Variants in NRG3 observed in about 807,000 individuals in gnomAD.
The protein encoded by NRG3 is neuregulin 3.
In NRG3, 31 loss-of-function variants were observed where a neutral mutation model predicts 66.9. The ratio of observed to expected loss-of-function variants is 0.46; its 90% CI spans 0.35 to 0.63. NRG3 has a LOEUF of 0.63. Among genes scored for constraint, NRG3 ranks in the 20% least tolerant of loss-of-function variants. The pLI is 0.00. For missense variants in NRG3, 910 were observed against 878.9 expected (o/e 1.04, Z -0.45); for synonymous variants, 393 against 359.4 (o/e 1.09, Z -1.06).
At chr10:82,308,490 C>T (rs978826326) in intron 1 of NRG3, among the ~76,000 whole-genome samples, 1 of 151,990 alleles carries the variant, frequency 6.6e-6, no homozygotes, top group African/African-American at 2.4e-5. Context: ...TTTGGAAGCC[C>T]TTACTGATAT....
intron 1 of NRG3, among the ~76,000 whole-genome samples, chr10:81,929,096 G>C: frequency 6.6e-6 from 1 of 152,042 alleles, no homozygotes; most frequent in Admixed American, 6.6e-5. Context: ...CAAAGTGTTG[G>C]GATTACAGGT....
At chr10:82,655,420 AAC>A (rs1449753618) in intron 2 of NRG3, among the ~76,000 whole-genome samples, 2 of 152,170 alleles carry the variant, frequency 1.3e-5, no homozygotes, top group African/African-American at 4.8e-5. Context: ...AGATTATGCA[AAC>A]ACACATGAAA....
intron 1 of NRG3, among the ~76,000 whole-genome samples, chr10:82,349,599 C>T (rs557417025): frequency 5.3e-5 from 8 of 152,082 alleles, no homozygotes; most frequent in South Asian, 2.1e-4. Flanking sequence ...CCACCCAGTT[C>T]GAGCTTCCCG....
At chr10:82,502,017 G>A (rs1844237868) in intron 2 of NRG3, among the ~76,000 whole-genome samples, 1 of 152,162 alleles carries the variant, frequency 6.6e-6, no homozygotes, top group South Asian at 2.1e-4. Flanking sequence ...AGATGGGGAT[G>A]AATGAAATCC....
chr10:82,914,852 T>C (rs889265097), intron 4 of NRG3, among the ~76,000 whole-genome samples: 1 of 152,078 alleles, frequency 6.6e-6, no homozygotes, highest in Non-Finnish European at 1.5e-5. Context: ...GAAGCTGTAA[T>C]TGGGTATTTC....
chr10:82,780,630 GT>G lies in NRG3; in HGVS notation c.1027+41983del, dbSNP rs1281217261. ...TTTTATTTCAACAGGCAGTTACACT[GT>G]TTAGCTTAACCATGTAAATACTGAT... On this transcript the variant is annotated intron_variant, in intron 3 of 8. Coordinates refer to ENST00000372141, the MANE Select transcript of NRG3 (RefSeq NM_001010848.4). 5.3e-5 allele frequency among the ~76,000 whole-genome samples: 8 copies of G among 152,032 alleles called. 2 individuals are homozygous for G. Among genetic ancestry groups the G allele is most frequent in the Non-Finnish European group, 7.4e-5 (5 of 67,976 alleles).
chr10:82,607,384 G>T (rs2048032744), intron 2 of NRG3, among the ~76,000 whole-genome samples: 1 of 128,246 alleles, frequency 7.8e-6, no homozygotes, highest in South Asian at 2.6e-4. Context: ...TGCCTTGATT[G>T]GAAATTAATA....
chr10:82,519,674 C>T (rs1846011678), intron 2 of NRG3, among the ~76,000 whole-genome samples: 1 of 152,156 alleles, frequency 6.6e-6, no homozygotes, highest in Non-Finnish European at 1.5e-5. Context: ...TTGCTTAACA[C>T]AATCCTCCTG....
intron 1 of NRG3, among the ~76,000 whole-genome samples, chr10:82,060,833 C>A (rs2064104320): frequency 1.3e-5 from 2 of 152,156 alleles, no homozygotes; most frequent in Admixed American, 1.3e-4. Flanking sequence ...CTCCCAGTAA[C>A]TAAGAAGCCT....
chr10:82,868,584 G>A lies in NRG3; in HGVS notation c.1054+3147G>A, dbSNP rs146871558. 3.7e-3 allele frequency among the ~76,000 whole-genome samples: 557 copies of A among 152,276 alleles called. 2 individuals are homozygous for A. The highest frequency in any genetic ancestry group is 0.013 in the African/African-American group (525 of 41,568). On this transcript the variant is annotated intron_variant, in intron 4 of 8. Coordinates refer to ENST00000372141, the MANE Select transcript of NRG3 (RefSeq NM_001010848.4). ...AGTAGTGAATAGCTTTATAAATTTAGTGAATATGCTGTTTTCACTGACCTC... is the reference window on the plus strand; with the variant it reads ...AGTAGTGAATAGCTTTATAAATTTAATGAATATGCTGTTTTCACTGACCTC...
intron 1 of NRG3, among the ~76,000 whole-genome samples, chr10:82,128,119 T>C (rs1356614322): frequency 1.3e-5 from 2 of 151,928 alleles, no homozygotes; most frequent in Non-Finnish European, 2.9e-5. Flanking sequence ...GCCTTCCTTC[T>C]ACCCGTCGTG....
chr10:82,031,261 C>T (rs1442125274), intron 1 of NRG3, among the ~76,000 whole-genome samples: 3 of 152,128 alleles, frequency 2.0e-5, no homozygotes, highest in South Asian at 2.1e-4. Context: ...GTTATTCCCA[C>T]GAACCTGTGT....
chr10:82,952,546 C>T lies in NRG3; in HGVS notation c.1157+975C>T, dbSNP rs57731153. On this transcript the variant is annotated intron_variant, in intron 5 of 8. Coordinates refer to ENST00000372141, the MANE Select transcript of NRG3 (RefSeq NM_001010848.4). ...ATTTTTCCAAATGAACTCTGGTAGA[C>T]GTATTTCATTTATTAAAATGATATA... Among the ~76,000 whole-genome samples, 983 of 132,132 alleles carry T rather than the reference C, an allele frequency of 7.4e-3. 27 individuals are homozygous for T. Among genetic ancestry groups the T allele is most frequent in the African/African-American group, 0.027 (929 of 34,740 alleles). The allele number at this position is 132,132 out of a possible 152,430, so 86.7% of individuals were successfully genotyped here. A position where few individuals can be genotyped will look rare whatever the true frequency, so the allele number is the denominator to read the frequency against.
intron 2 of NRG3, among the ~76,000 whole-genome samples, chr10:82,515,942 A>C (rs1476712302): frequency 6.6e-6 from 1 of 152,200 alleles, no homozygotes; most frequent in East Asian, 1.9e-4. Context: ...AGGGCTGATC[A>C]TGCGTGCTTT....
chr10:81,903,551 G>T (rs1220320144), intron 1 of NRG3, among the ~76,000 whole-genome samples: 1 of 152,146 alleles, frequency 6.6e-6, no homozygotes, highest in Non-Finnish European at 1.5e-5. Flanking sequence ...ATTTCCATTT[G>T]GCTAATAGTG....
chr10:82,529,608 A>G (rs563762068), intron 2 of NRG3, among the ~76,000 whole-genome samples: 1 of 152,326 alleles, frequency 6.6e-6, no homozygotes, highest in South Asian at 2.1e-4. Flanking sequence ...GAGAATTTCC[A>G]GTAGCTAAGA....
intron 2 of NRG3, among the ~76,000 whole-genome samples, chr10:82,716,378 A>G (rs1207234737): frequency 6.6e-6 from 1 of 152,100 alleles, no homozygotes; most frequent in East Asian, 1.9e-4. Context: ...CCACCCACTC[A>G]CATATCTAAA....
chr10:81,935,847 CT>C (rs1357196633), intron 1 of NRG3, among the ~76,000 whole-genome samples: 15 of 149,170 alleles, frequency 1.0e-4, no homozygotes, highest in African/African-American at 3.4e-4. Context: ...ATTTACCCAG[CT>C]TTTTTTCATT....
At chr10:81,955,153 A>C (rs183631484) in intron 1 of NRG3, among the ~76,000 whole-genome samples, 163 of 148,110 alleles carry the variant, frequency 1.1e-3, no homozygotes, top group Non-Finnish European at 1.4e-3. Context: ...TGTTATATAG[A>C]ATATATAATA....
Sources: gnomAD v4.1 joint callset for allele counts (sites outside exome capture counted in the v4.1 genomes callset) on GRCh38, gnomAD v4.1.1 for gene constraint, MANE v1.5 for transcripts, NCBI Gene and HGNC (gene_info 2026-07-23, HGNC 2026-07-21) for gene names.